Variants in SLC12A7 observed in about 807,000 individuals in gnomAD.
The protein encoded by SLC12A7 is solute carrier family 12 member 7.
SLC12A7 carries 100 observed loss-of-function variants against 120.6 expected under a neutral mutation model. The observed-to-expected ratio is 0.83, with a 90% CI of 0.71 to 0.98. SLC12A7 has a LOEUF of 0.98. Among genes scored for constraint, SLC12A7 ranks in the 50% least tolerant of loss-of-function variants. SLC12A7 has a pLI of 0.00. For synonymous variants in SLC12A7, 760 were observed against 678.0 expected, an observed-to-expected ratio of 1.12 and a Z score of -1.88; for missense variants, 1,373 against 1,548.1, an observed-to-expected ratio of 0.89 and a Z score of 1.90.
chr5:1,052,236 C>T lies in SLC12A7; in HGVS notation c.*124G>A, dbSNP rs1197967040. On this transcript the variant is annotated 3_prime_UTR_variant, in exon 24 of 24. Coordinates refer to ENST00000264930, the MANE Select transcript of SLC12A7 (RefSeq NM_006598.3). ...AAACTTCCGTAGGAAGCCCCATGGG[C>T]AGCTTGGGCGGCATCACTGGGGGAC... 2.4e-6 allele frequency: 2 copies of T among 818,716 alleles called. No individual in the cohort carries two copies. Among genetic ancestry groups the T allele is most frequent in the South Asian group, 2.9e-5 (2 of 69,904 alleles). 50.7% of individuals were successfully genotyped at this position (818,716 alleles called of 1,614,324 possible). A position where few individuals can be genotyped will look rare whatever the true frequency, so the allele number is the denominator to read the frequency against.
chr5:1,149,501 C>T, the SLC12A7 span, among the ~76,000 whole-genome samples: 2 of 152,006 alleles, frequency 1.3e-5, no homozygotes, highest in Non-Finnish European at 2.9e-5. Flanking sequence ...CACTTGAACC[C>T]GGGAGGTGGA....
the SLC12A7 span, among the ~76,000 whole-genome samples, chr5:1,155,205 A>G: frequency 6.6e-6 from 1 of 151,706 alleles, no homozygotes; most frequent in Non-Finnish European, 1.5e-5. Context: ...TGCTTCCCAG[A>G]TCTGCCGGGC....
chr5:1,126,753 G>T, the SLC12A7 span, among the ~76,000 whole-genome samples: 1 of 152,048 alleles, frequency 6.6e-6, no homozygotes, highest in Admixed American at 6.6e-5. Flanking sequence ...GTTTTCTGTC[G>T]AACTAAATTA....
At chr5:1,122,933 A>T in the SLC12A7 span, among the ~76,000 whole-genome samples, 1 of 152,282 alleles carries the variant, frequency 6.6e-6, no homozygotes, top group Non-Finnish European at 1.5e-5. Flanking sequence ...CCACGTGCGC[A>T]CGCACAAGCC....
intron 12 of SLC12A7, 92 bp downstream of exon 12, chr5:1,077,741 G>A (rs1380069085): frequency 1.8e-5 from 24 of 1,325,096 alleles, no homozygotes; most frequent in African/African-American, 1.0e-4. Context: ...GCGGGCATGC[G>A]TCCCACACAC....
intron 3 of SLC12A7, 29 bp from the exon 4 acceptor site, chr5:1,089,157 G>T (rs1170328631): frequency 7.5e-6 from 12 of 1,606,638 alleles, no homozygotes; most frequent in African/African-American, 1.3e-5. Context: ...TGTCCCAGGG[G>T]CTCGTACCCC....
Position 1,057,601 on chromosome 5 carries a change from C to T in SLC12A7, c.2896G>A (p.Ala966Thr), listed in dbSNP as rs149723893. 7 of 1,608,656 alleles carry T rather than the reference C, an allele frequency of 4.4e-6. No homozygotes were observed. The African/African-American group carries it at 9.3e-5, about 21-fold the overall frequency. ...RNTASHTAAA[A>T]RTQAPPTPDK... ...GGCGTAGGCGGCGCTTGGGTCCTGG[C>T]TGCCGCCGCGGTGTGGGACGCGGTG... The change falls in exon 22 of 24, where the codon GCC becomes ACC. Residue 966 changes from alanine (A) to threonine (T), a missense_variant. Coordinates refer to ENST00000264930, the MANE Select transcript of SLC12A7 (RefSeq NM_006598.3).
intron 17 of SLC12A7, 62 bp from the exon 18 acceptor site, chr5:1,065,540 C>A: frequency 1.4e-6 from 2 of 1,419,108 alleles, no homozygotes; most frequent in Non-Finnish European, 1.9e-6. Context: ...CCACGCCCAC[C>A]ACCCACGGTG....
In SLC12A7 at chr5:1,063,978, G is replaced by T; in HGVS notation, c.2608-3C>A. On this transcript the variant is annotated splice_region_variant and splice_polypyrimidine_tract_variant and intron_variant, in intron 19 of 23. Transcript: ENST00000264930. ...CGCATCCGGCACTTCCTCCACACCT[G>T]CAGACAGGGAGGGCATGGCTGTGGG... 3 of 1,611,998 alleles carry T rather than the reference G, an allele frequency of 1.9e-6. No individual in the cohort carries two copies. The highest frequency in any genetic ancestry group is 2.5e-6 in the Non-Finnish European group (3 of 1,179,478).
Position 1,057,459 on chromosome 5 carries a change from A to AC in SLC12A7, c.3026+11dup, listed in dbSNP as rs775218006. ...GATCTGTTCCCCCCAGGCCACACGC[A>AC]CGGACACTCACGGCTTCATGCTGAA... is the stretch of plus-strand genomic sequence containing the variant. On this transcript the variant is annotated intron_variant, in intron 22 of 23. Transcript: ENST00000264930. 6.9e-6 allele frequency: 11 copies of AC among 1,604,078 alleles called. No individual in the cohort carries two copies. Among genetic ancestry groups the AC allele is most frequent in the Non-Finnish European group, 9.3e-6 (11 of 1,176,858 alleles).
rs1381350077 is a variant in SLC12A7, at chr5:1,051,368, ACTGTGTGCCGTGCTC to A, written c.*977_*991del. 1 of 125,532 alleles carries A rather than the reference ACTGTGTGCCGTGCTC, an allele frequency of 8.0e-6. No individual in the cohort carries two copies. Among genetic ancestry groups the A allele is most frequent in the Non-Finnish European group, 1.6e-5 (1 of 62,448 alleles). 7.8% of individuals were successfully genotyped at this position (125,532 alleles called of 1,614,324 possible). A position where few individuals can be genotyped will look rare whatever the true frequency, so the allele number is the denominator to read the frequency against. The stretch of plus-strand genomic sequence containing the variant: ...ACGTGTGAGCCAGCTCAGAGGCTGA[ACTGTGTGCCGTGCTC>A]CTGGGGTGGGGTGGGGTGGGGAGGG... On this transcript the variant is annotated 3_prime_UTR_variant, in exon 24 of 24. Coordinates refer to ENST00000264930, the MANE Select transcript of SLC12A7 (RefSeq NM_006598.3).
chr5:1,131,092 A>C, the SLC12A7 span, among the ~76,000 whole-genome samples: 61 of 152,268 alleles, frequency 4.0e-4, no homozygotes, highest in African/African-American at 1.4e-3. Flanking sequence ...GGCCTAATCA[A>C]AGCAAAACAG....
the SLC12A7 span, among the ~76,000 whole-genome samples, chr5:1,126,452 A>G: frequency 2.0e-5 from 3 of 152,150 alleles, no homozygotes; most frequent in African/African-American, 7.2e-5. Context: ...AACATTTTAA[A>G]TTGTTTAGTT....
intron 2 of SLC12A7, 111 bp downstream of exon 2, chr5:1,094,043 T>A (rs1292658636): frequency 2.6e-6 from 2 of 770,468 alleles, no homozygotes; most frequent in African/African-American, 3.5e-5. Context: ...TCCTTCCACG[T>A]GGTGTCCAGT....
the SLC12A7 span, among the ~76,000 whole-genome samples, chr5:1,143,732 C>A: frequency 6.2e-4 from 94 of 152,326 alleles, no homozygotes; most frequent in African/African-American, 2.2e-3. Flanking sequence ...AGACATGTGA[C>A]CTGCCCAGTC....
chr5:1,140,633 C>T, the SLC12A7 span, among the ~76,000 whole-genome samples: 19 of 152,360 alleles, frequency 1.2e-4, no homozygotes, highest in East Asian at 1.4e-3. Flanking sequence ...CTCAGGAACT[C>T]GCACCGCTGG....
chr5:1,081,820 C>T (rs117596089), intron 8 of SLC12A7, 76 bp from the exon 9 acceptor site: 16,455 of 1,529,758 alleles, frequency 0.011, 138 homozygotes, highest in East Asian at 0.047. Flanking sequence ...GCCCACTCCC[C>T]GGCAGGTGCC....
At chr5:1,109,247 C>A (rs1157750806) in intron 1 of SLC12A7, among the ~76,000 whole-genome samples, 2 of 152,160 alleles carry the variant, frequency 1.3e-5, no homozygotes, top group Non-Finnish European at 2.9e-5. Flanking sequence ...CTGGACGCAC[C>A]CCTACAACCT....
upstream of SLC12A7, among the ~76,000 whole-genome samples, chr5:1,115,250 G>T (rs1743269613): frequency 6.6e-6 from 1 of 152,256 alleles, no homozygotes; most frequent in African/African-American, 2.4e-5. Context: ...GCCGATGGTG[G>T]TTACATTCTG....
Sources: allele counts gnomAD v4.1 joint callset (sites outside exome capture counted in the v4.1 genomes callset), GRCh38; gene constraint gnomAD v4.1.1; transcripts MANE v1.5; gene names NCBI Gene and HGNC (gene_info 2026-07-23, HGNC 2026-07-21).